Variants in MAP2K1 observed in about 807,000 individuals in gnomAD.
MAP2K1 encodes mitogen-activated protein kinase kinase 1, also known as dual specificity mitogen-activated protein kinase kinase 1.
A neutral mutation model predicts 46.3 loss-of-function variants in MAP2K1; 16 were observed. The ratio of observed to expected loss-of-function variants is 0.35; its 90% CI spans 0.23 to 0.52. The LOEUF (loss-of-function observed/expected upper bound fraction) is 0.52, where lower values mean the gene tolerates loss of function less well. MAP2K1 is among the 20% of genes least tolerant of loss of function. The pLI is 0.94. For synonymous variants in MAP2K1, 183 were observed against 185.6 expected, an observed-to-expected ratio of 0.99 and a Z score of 0.11; for missense variants, 263 against 497.1, an observed-to-expected ratio of 0.53 and a Z score of 4.48.
intron 5 of MAP2K1, among the ~76,000 whole-genome samples, chr15:66,452,257 T>C (rs1398599827): frequency 8.0e-6 from 1 of 125,694 alleles, no homozygotes; most frequent in Non-Finnish European, 1.6e-5. Context: ...CTGCACAATG[T>C]GCACATGCAC....
chr15:66,394,843 C>T (rs1218209589), intron 1 of MAP2K1, among the ~76,000 whole-genome samples: 2 of 152,174 alleles, frequency 1.3e-5, no homozygotes, highest in Non-Finnish European at 2.9e-5. Context: ...GTAACTAATA[C>T]TGGTGCTGTC....
intron 3 of MAP2K1, among the ~76,000 whole-genome samples, 198 bp from the exon 4 acceptor site, chr15:66,443,082 A>ATTTTTTTTTTTTTTTTTTTTTTTTTTTTT (rs398027713): frequency 1.1e-5 from 1 of 91,064 alleles, no homozygotes; most frequent in Non-Finnish European, 2.0e-5. Context: ...TTGTGTGTGT[A>ATTTTTTTTTTTTTTTTTTTTTTTTTTTTT]TTTTTTTTTT....
In MAP2K1 at chr15:66,412,634, T is replaced by C. The variant is rs8026844; in HGVS notation, c.81-22393T>C. Reference sequence around the variant, plus strand: ...AGATTGCATCCTGGTCACACTGATATCTTACATGCATTTTAGATATTTAAA... The same window carrying C: ...AGATTGCATCCTGGTCACACTGATACCTTACATGCATTTTAGATATTTAAA... On this transcript the variant is annotated intron_variant, in intron 1 of 10. Coordinates refer to ENST00000307102, the MANE Select transcript of MAP2K1 (RefSeq NM_002755.4). Among the ~76,000 whole-genome samples the C allele has an allele frequency of 2.7e-3, 413 of 152,344 alleles. 1 individual carries two copies. The highest frequency in any genetic ancestry group is 9.7e-3 in the African/African-American group (402 of 41,588).
intron 5 of MAP2K1, among the ~76,000 whole-genome samples, chr15:66,480,478 T>G (rs1259924869): frequency 6.6e-6 from 1 of 152,168 alleles, no homozygotes; most frequent in Non-Finnish European, 1.5e-5. Context: ...GACTCACGCC[T>G]ATAGTCCCAG....
intron 4 of MAP2K1, 28 bp from the exon 5 acceptor site, chr15:66,444,628 C>G (rs755627674): frequency 1.6e-5 from 25 of 1,522,350 alleles, no homozygotes; most frequent in Non-Finnish European, 2.3e-5. Context: ...CCAGTATTTT[C>G]TTTTCTTTTA....
chr15:66,491,070 G>A lies in MAP2K1; in HGVS notation c.*455G>A. 1 of 354,246 alleles carries A rather than the reference G, an allele frequency of 2.8e-6. No homozygotes were observed. The highest frequency in any genetic ancestry group is 4.7e-5 in the East Asian group (1 of 21,334). 21.9% of individuals were successfully genotyped at this position (354,246 alleles called of 1,614,324 possible). On this transcript the variant is annotated 3_prime_UTR_variant, in exon 11 of 11. Coordinates refer to ENST00000307102, the MANE Select transcript of MAP2K1 (RefSeq NM_002755.4). ...ATCCTTCACAGGCAGTGCATGTGAA[G>A]CATGCTTTGCTGCTATGAAAATGAG...
At chr15:66,437,068 G>A (rs2093490199) in intron 3 of MAP2K1, among the ~76,000 whole-genome samples, 176 bp downstream of exon 3, 1 of 152,202 alleles carries the variant, frequency 6.6e-6, no homozygotes, top group Non-Finnish European at 1.5e-5. Context: ...AAGATGGCAG[G>A]CCTCCTTTCT....
intron 1 of MAP2K1, among the ~76,000 whole-genome samples, chr15:66,421,259 C>T (rs968338923): frequency 6.6e-6 from 1 of 151,848 alleles, no homozygotes; most frequent in Non-Finnish European, 1.5e-5. Context: ...CCTTGGCCCC[C>T]CAAGTAGTTG....
intron 5 of MAP2K1, among the ~76,000 whole-genome samples, chr15:66,473,833 A>G (rs1427396667): frequency 3.3e-5 from 5 of 152,084 alleles, no homozygotes; most frequent in Non-Finnish European, 1.5e-5. Flanking sequence ...GCACACCACC[A>G]TGCCTGGATA....
At chr15:66,396,998 T>C (rs1249714750) in intron 1 of MAP2K1, among the ~76,000 whole-genome samples, 1 of 67,660 alleles carries the variant, frequency 1.5e-5, no homozygotes, top group Non-Finnish European at 2.7e-5. Context: ...AACGCTTCTT[T>C]TTTTTTTTTT....
intron 3 of MAP2K1, among the ~76,000 whole-genome samples, chr15:66,438,576 C>G (rs1432838891): frequency 6.6e-6 from 1 of 152,198 alleles, no homozygotes; most frequent in African/African-American, 2.4e-5. Context: ...CTTCCTCCTC[C>G]TTCAGGAGAA....
In MAP2K1 at chr15:66,481,656, G is replaced by A. The variant is rs1002148925; in HGVS notation, c.569-99G>A. Reference sequence around the variant, plus strand: ...GATGGCGGACGGGGGTGTGGTCCTGGGACTCGTGGTCAGGGCTGGTCTGTG... The same window carrying A: ...GATGGCGGACGGGGGTGTGGTCCTGAGACTCGTGGTCAGGGCTGGTCTGTG... On this transcript the variant is annotated intron_variant, in intron 5 of 10. Transcript: ENST00000307102. The A allele has an allele frequency of 9.3e-6, 13 of 1,390,920 alleles. No homozygotes were observed. The African/African-American group carries it at 1.1e-4, about 12-fold the overall frequency. The allele number at this position is 1,390,920 out of a possible 1,614,324, so 86.2% of individuals were successfully genotyped here.
chr15:66,433,811 G>A (rs2093480649), intron 1 of MAP2K1, among the ~76,000 whole-genome samples: 1 of 152,108 alleles, frequency 6.6e-6, no homozygotes, highest in African/African-American at 2.4e-5. Flanking sequence ...CACCTCCCGG[G>A]ACTTCAATTT....
At chr15:66,489,849 C>T in intron 10 of MAP2K1, 86 bp downstream of exon 10, 1 of 1,111,366 alleles carries the variant, frequency 9.0e-7, no homozygotes, top group South Asian at 1.2e-5. Context: ...CTTCCAGAGC[C>T]CATTCATTCC....
intron 5 of MAP2K1, among the ~76,000 whole-genome samples, chr15:66,457,625 G>T (rs1892200544): frequency 6.6e-6 from 1 of 152,138 alleles, no homozygotes; most frequent in African/African-American, 2.4e-5. Context: ...AAAAGGGGAA[G>T]GAGAATCCCT....
At chr15:66,470,987 C>T (rs756273431) in intron 5 of MAP2K1, among the ~76,000 whole-genome samples, 1 of 152,142 alleles carries the variant, frequency 6.6e-6, no homozygotes, top group Non-Finnish European at 1.5e-5. Context: ...GAGGGGGCTT[C>T]GAGGTCCCAG....
intron 5 of MAP2K1, among the ~76,000 whole-genome samples, chr15:66,469,892 C>T (rs981015029): frequency 6.7e-6 from 1 of 150,248 alleles, no homozygotes. Context: ...CAAACCTAGG[C>T]TGTCATGAAA....
intron 1 of MAP2K1, among the ~76,000 whole-genome samples, chr15:66,391,580 C>CT (rs1225720082): frequency 1.3e-5 from 2 of 152,116 alleles, no homozygotes; most frequent in African/African-American, 2.4e-5. Flanking sequence ...CCTGCACTGC[C>CT]TTTTTTTGAC....
intron 5 of MAP2K1, among the ~76,000 whole-genome samples, chr15:66,455,962 G>T (rs1405647828): frequency 6.6e-6 from 1 of 152,142 alleles, no homozygotes; most frequent in Non-Finnish European, 1.5e-5. Context: ...CAGGGGGTGG[G>T]TATAGATCTG....
Sources: gnomAD v4.1 joint callset for allele counts (sites outside exome capture counted in the v4.1 genomes callset) on GRCh38, gnomAD v4.1.1 for gene constraint, MANE v1.5 for transcripts, NCBI Gene and HGNC (gene_info 2026-07-23, HGNC 2026-07-21) for gene names.